MAK16: variants seen among roughly 807,000 people sequenced by gnomAD.
The protein encoded by MAK16 is MAK16 homolog.
A neutral mutation model predicts 49.9 loss-of-function variants in MAK16; 12 were observed. The observed-to-expected ratio is 0.24, with a 90% CI of 0.15 to 0.39. The LOEUF (loss-of-function observed/expected upper bound fraction) is 0.39. Ranked by LOEUF, MAK16 falls within the 10% of genes least tolerant of loss-of-function variation. The pLI is 1.00. For missense variants in MAK16, 292 were observed against 363.7 expected (o/e 0.80, Z 1.60); for synonymous variants, 115 against 126.4 (o/e 0.91, Z 0.60).
chr8:33,485,230 C>A lies in MAK16; in HGVS notation c.15+9C>A. On this transcript the variant is annotated intron_variant, in intron 1 of 9. Transcript: ENST00000360128. ...CCATGCAGTCGGATGATGTGAGTCT[C>A]CTCCGGTTGTTCTTACACCCGGGGT... is the stretch of plus-strand genomic sequence containing the variant. 6.2e-7 allele frequency: 1 copy of A among 1,614,226 alleles called. No homozygotes were observed. The highest frequency in any genetic ancestry group is 1.1e-5 in the South Asian group (1 of 91,086).
chr8:33,498,392 T>C (rs762143075), intron 9 of MAK16, 40 bp from the exon 10 acceptor site: 2 of 1,584,248 alleles, frequency 1.3e-6, no homozygotes, highest in Non-Finnish European at 1.7e-6. Context: ...AGAAATCTAG[T>C]GTTTTCCCTC....
intron 6 of MAK16, among the ~76,000 whole-genome samples, chr8:33,495,225 G>T (rs975851371): frequency 6.6e-6 from 1 of 152,206 alleles, no homozygotes; most frequent in African/African-American, 2.4e-5. Context: ...TCTGGCTCCA[G>T]AGTTGCTAGA....
chr8:33,495,426 G>T, intron 6 of MAK16, 116 bp from the exon 7 acceptor site: 1 of 822,410 alleles, frequency 1.2e-6, no homozygotes, highest in Non-Finnish European at 1.9e-6. Flanking sequence ...GTATTAGCAA[G>T]GAGGGGAAAT....
chr8:33,494,326 C>T (rs746233651), intron 6 of MAK16, among the ~76,000 whole-genome samples: 2 of 152,168 alleles, frequency 1.3e-5, no homozygotes, highest in Non-Finnish European at 2.9e-5. Flanking sequence ...CTGCCCACCT[C>T]GACCTCTCAA....
rs1808929552 is a variant in MAK16, at chr8:33,498,584, A to G, written c.858A>G (p.Glu286=). 3.1e-6 allele frequency: 5 copies of G among 1,614,148 alleles called. No homozygotes were observed. Among genetic ancestry groups the G allele is most frequent in the Non-Finnish European group, 4.2e-6 (5 of 1,180,032 alleles). ...GAAAACGAGCCTATGTGGAAATAGA[A>G]TACGAGCAGGAGACAGAGCCCGTGG... is the stretch of plus-strand genomic sequence containing the variant. ...LQRKRAYVEI[E]YEQETEPVAK... is the part of the protein sequence containing the mutation. The change falls in exon 10 of 10, where the codon GAA becomes GAG. Residue 286 remains glutamate (E), a synonymous_variant. Coordinates refer to ENST00000360128, the MANE Select transcript of MAK16 (RefSeq NM_032509.4).
At chr8:33,485,289 T>C in intron 1 of MAK16, 68 bp downstream of exon 1, 1 of 1,601,356 alleles carries the variant, frequency 6.2e-7, no homozygotes, top group Non-Finnish European at 8.6e-7. Flanking sequence ...TTCGGACACT[T>C]AGAAAACGCG....
intron 1 of MAK16, 22 bp from the exon 2 acceptor site, chr8:33,488,356 G>T (rs1352121873): frequency 6.2e-7 from 1 of 1,613,420 alleles, no homozygotes. Context: ...GATTTGAAAT[G>T]GGCTTTTACT....
rs1376982472 is a variant in MAK16, at chr8:33,489,058, T to G, written c.311T>G (p.Phe104Cys). The change falls in exon 5 of 10, where the codon TTC becomes TGC. Residue 104 changes from phenylalanine (F) to cysteine (C), a missense_variant. Transcript: ENST00000360128. This position sits in a 1 kb window ranked among gnomAD's most constrained non-coding sequence, Gnocchi z 4.2. ...GAAAATCTGATTTACTGGCCCCGTT[T>G]CATTCGACACAAATGTAAGCAGAGA... is the stretch of plus-strand genomic sequence containing the variant. ...IDENLIYWPRFIRHKCKQRFT... is the reference protein window; with the variant it reads ...IDENLIYWPRCIRHKCKQRFT... 1.9e-6 allele frequency: 3 copies of G among 1,614,110 alleles called. No homozygotes were observed.
chr8:33,485,588 C>T (rs1425250525), intron 1 of MAK16: 9 of 353,786 alleles, frequency 2.5e-5, no homozygotes, highest in African/African-American at 1.0e-4. Context: ...TTTAAGCGTC[C>T]TTCTCATCCA....
At chr8:33,497,373 C>T (rs1808885993) in intron 9 of MAK16, 76 bp downstream of exon 9, 3 of 1,148,244 alleles carry the variant, frequency 2.6e-6, no homozygotes, top group Admixed American at 4.1e-5. Flanking sequence ...GGGAGGTGGC[C>T]AGGCACCGTG....
chr8:33,500,301 C>G lies in MAK16; in HGVS notation c.*1672C>G. ...ATTACATAAGGATAATGAGGCCCAA[C>G]TGAAACCAAGTTTCAGTCTGCCTTA... On this transcript the variant is annotated 3_prime_UTR_variant, in exon 10 of 10. Transcript: ENST00000360128. The G allele has an allele frequency of 1.9e-6, 3 of 1,613,846 alleles. No individual in the cohort carries two copies. Among genetic ancestry groups the G allele is most frequent in the African/African-American group, 1.3e-5 (1 of 75,040 alleles).
rs1041136670 is a variant in MAK16, at chr8:33,498,772, C to T, written c.*143C>T. The T allele has an allele frequency of 3.5e-5, 26 of 734,688 alleles. No homozygotes were observed. The highest frequency in any genetic ancestry group is 6.0e-5 in the Admixed American group (2 of 33,542). The allele number at this position is 734,688 out of a possible 1,614,324, so 45.5% of individuals were successfully genotyped here. ...ATTTGTGTTTTTATTATTTATGCCA[C>T]GTCAGTGGGGCAAGAAATCTGGAGT... On this transcript the variant is annotated 3_prime_UTR_variant, in exon 10 of 10. Transcript: ENST00000360128.
Position 33,498,735 on chromosome 8 carries a change from A to T in MAK16, c.*106A>T. 1 of 908,166 alleles carries T rather than the reference A, an allele frequency of 1.1e-6. No homozygotes were observed. Among genetic ancestry groups the T allele is most frequent in the Non-Finnish European group, 1.7e-6 (1 of 604,968 alleles). The allele number at this position is 908,166 out of a possible 1,614,324, so 56.3% of individuals were successfully genotyped here. A position where few individuals can be genotyped will look rare whatever the true frequency, so the allele number is the denominator to read the frequency against. On this transcript the variant is annotated 3_prime_UTR_variant, in exon 10 of 10. Coordinates refer to ENST00000360128, the MANE Select transcript of MAK16 (RefSeq NM_032509.4). The stretch of plus-strand genomic sequence containing the variant: ...TCCAGTTTTTGCTCTTTTGTGTTGT[A>T]CTGAACACAATATTTGTGTTTTTAT...
rs910430803 is a variant in MAK16 at position 33,500,598 on chromosome 8, A to G, written c.*1969A>G. The G allele has an allele frequency of 2.9e-6, 4 of 1,362,910 alleles. No individual in the cohort carries two copies. The highest frequency in any genetic ancestry group is 4.0e-6 in the Non-Finnish European group (4 of 998,376). 84.4% of individuals were successfully genotyped at this position (1,362,910 alleles called of 1,614,324 possible). ...AAGCTATCATTTCCTAAATTAAGGA[A>G]CTTAGGTCAAAGTTAAATGAAAAAG... On this transcript the variant is annotated 3_prime_UTR_variant, in exon 10 of 10. Transcript: ENST00000360128.
rs777958405 is a variant in MAK16 at position 33,498,569 on chromosome 8, C to T, written c.843C>T (p.Ala281=). The T allele has an allele frequency of 7.4e-6, 12 of 1,614,046 alleles. No individual in the cohort carries two copies. Among genetic ancestry groups the T allele is most frequent in the Non-Finnish European group, 1.0e-5 (12 of 1,180,022 alleles). The change falls in exon 10 of 10, where the codon GCC becomes GCT. Residue 281 remains alanine, a synonymous_variant. Coordinates refer to ENST00000360128, the MANE Select transcript of MAK16 (RefSeq NM_032509.4). The part of the protein sequence containing the change: ...PLRGPLQRKR[A]YVEIEYEQET... ...GAGGACCACTGCAGAGAAAACGAGC[C>T]TATGTGGAAATAGAATACGAGCAGG...
At chr8:33,493,923 T>A (rs1808815792) in intron 6 of MAK16, among the ~76,000 whole-genome samples, 2 of 152,304 alleles carry the variant, frequency 1.3e-5, no homozygotes, top group East Asian at 1.9e-4. Flanking sequence ...AACAAGTTTT[T>A]TTTTTTTCAA....
In MAK16 at chr8:33,500,273, G is replaced by A. The variant is rs1809017940; in HGVS notation, c.*1644G>A. 6.2e-7 allele frequency: 1 copy of A among 1,601,862 alleles called. No individual in the cohort carries two copies. The highest frequency in any genetic ancestry group is 1.1e-5 in the South Asian group (1 of 90,388). ...ACATAGTAAATTATAATCAATCATGGGAATTACATAAGGATAATGAGGCCC... is the reference window on the plus strand; with the variant it reads ...ACATAGTAAATTATAATCAATCATGAGAATTACATAAGGATAATGAGGCCC... On this transcript the variant is annotated 3_prime_UTR_variant, in exon 10 of 10. Coordinates refer to ENST00000360128, the MANE Select transcript of MAK16 (RefSeq NM_032509.4).
chr8:33,498,708 C>T lies in MAK16; in HGVS notation c.*79C>T, dbSNP rs1808941572. ...TTTTTTTATCTTAAACACATACACACCTCCAGTTTTTGCTCTTTTGTGTTG... is the reference window on the plus strand; with the variant it reads ...TTTTTTTATCTTAAACACATACACATCTCCAGTTTTTGCTCTTTTGTGTTG... On this transcript the variant is annotated 3_prime_UTR_variant, in exon 10 of 10. Transcript: ENST00000360128. The T allele has an allele frequency of 8.1e-7, 1 of 1,237,448 alleles. No individual in the cohort carries two copies. 76.7% of individuals were successfully genotyped at this position (1,237,448 alleles called of 1,614,324 possible). A position where few individuals can be genotyped will look rare whatever the true frequency, so the allele number is the denominator to read the frequency against.
In MAK16 at chr8:33,496,605, T is replaced by A. The variant is rs1475685365; in HGVS notation, c.523-20T>A. ...AATATCCAAATGTAGTTAAAGCCAA[T>A]CTGTGTTTATGTTCTTCAGTATGGC... is the stretch of plus-strand genomic sequence containing the variant. On this transcript the variant is annotated intron_variant, in intron 7 of 9. Transcript: ENST00000360128. The A allele has an allele frequency of 3.2e-6, 5 of 1,580,682 alleles. No individual in the cohort carries two copies. In the African/African-American group the frequency reaches 5.4e-5, roughly 17 times the overall value.
Sources: allele counts gnomAD v4.1 joint callset (sites outside exome capture counted in the v4.1 genomes callset), GRCh38; gene constraint gnomAD v4.1.1; non-coding constraint Gnocchi (gnomAD v3.1); transcripts MANE v1.5; gene names NCBI Gene and HGNC (gene_info 2026-07-23, HGNC 2026-07-21).